FRMD4B: variants seen among roughly 807,000 people sequenced by gnomAD.
FRMD4B encodes FERM domain containing 4B.
In FRMD4B, 74 loss-of-function variants were observed where a neutral mutation model predicts 141.5. The ratio of observed to expected loss-of-function variants is 0.52; its 90% CI spans 0.43 to 0.63. The LOEUF is 0.63. FRMD4B is among the 30% of genes least tolerant of loss of function. FRMD4B has a pLI of 0.00. For missense variants in FRMD4B, 1,366 were observed against 1,253.4 expected, an observed-to-expected ratio of 1.09 and a Z score of -1.36; for synonymous variants, 506 against 467.9, an observed-to-expected ratio of 1.08 and a Z score of -1.05.
chr3:69,427,307 G>T (rs992937612), intron 2 of FRMD4B, among the ~76,000 whole-genome samples: 16 of 147,804 alleles, frequency 1.1e-4, no homozygotes, highest in African/African-American at 3.7e-4. Context: ...ATAATATATT[G>T]TTATATATTA....
chr3:69,467,210 C>T (rs1425552297), intron 1 of FRMD4B, among the ~76,000 whole-genome samples: 1 of 152,134 alleles, frequency 6.6e-6, no homozygotes, highest in Non-Finnish European at 1.5e-5. Flanking sequence ...TTTGACATGT[C>T]ACTTTGGTTC....
At chr3:69,284,673 AG>A (rs1484712873) in intron 5 of FRMD4B, among the ~76,000 whole-genome samples, 8 of 152,232 alleles carry the variant, frequency 5.3e-5, no homozygotes, top group African/African-American at 1.9e-4. Flanking sequence ...AAATATTGCC[AG>A]GCATGCAAAT....
At chr3:69,218,237 C>G in intron 10 of FRMD4B, 85 bp downstream of exon 10, 2 of 686,158 alleles carry the variant, frequency 2.9e-6, no homozygotes, top group Non-Finnish European at 5.1e-6. Context: ...AAGATATAAT[C>G]AGCCTTTTAT....
At chr3:69,197,701 G>T (rs1259064152) in intron 12 of FRMD4B, 1 of 152,250 alleles carries the variant, frequency 6.6e-6, no homozygotes, top group Admixed American at 6.5e-5. Flanking sequence ...GTGTGTGTGT[G>T]ACGTGGTACT....
At chr3:69,313,370 AACCAG>A in intron 2 of FRMD4B, 77 bp downstream of exon 2, 1 of 845,506 alleles carries the variant, frequency 1.2e-6, no homozygotes, top group Non-Finnish European at 2.0e-6. Flanking sequence ...TCAGAGAGGG[AACCAG>A]GATGAGCTGT....
At chr3:69,256,412 C>T (rs1368206303) in intron 5 of FRMD4B, among the ~76,000 whole-genome samples, 1 of 152,162 alleles carries the variant, frequency 6.6e-6, no homozygotes, top group East Asian at 1.9e-4. Flanking sequence ...CTCTGCTGCC[C>T]GGGTTCAAGT....
intron 18 of FRMD4B, among the ~76,000 whole-genome samples, chr3:69,188,308 T>C (rs527572893): frequency 6.6e-6 from 1 of 152,348 alleles, no homozygotes; most frequent in South Asian, 2.1e-4. Context: ...TTTTTAGGCC[T>C]CTTTGGCCAA....
At chr3:69,322,623 G>T (rs1375923792) in intron 1 of FRMD4B, among the ~76,000 whole-genome samples, 3 of 143,334 alleles carry the variant, frequency 2.1e-5, no homozygotes, top group African/African-American at 7.8e-5. Context: ...TTGAGACAGG[G>T]TCTTGCTCTG....
At chr3:69,287,040 T>C (rs1374191398) in intron 5 of FRMD4B, among the ~76,000 whole-genome samples, 2 of 152,198 alleles carry the variant, frequency 1.3e-5, no homozygotes, top group African/African-American at 4.8e-5. Context: ...ACTGACCTCG[T>C]GATCCACCTG....
intron 20 of FRMD4B, among the ~76,000 whole-genome samples, chr3:69,182,280 T>A (rs894349790): frequency 6.6e-6 from 1 of 152,146 alleles, no homozygotes; most frequent in South Asian, 2.1e-4. Flanking sequence ...CCAGTGAATA[T>A]AAAACATTTA....
At chr3:69,405,911 T>A (rs1236810716) in intron 2 of FRMD4B, among the ~76,000 whole-genome samples, 1 of 152,228 alleles carries the variant, frequency 6.6e-6, no homozygotes, top group Non-Finnish European at 1.5e-5. Flanking sequence ...TTTATTAATG[T>A]CATTTCAAAT....
intron 9 of FRMD4B, among the ~76,000 whole-genome samples, chr3:69,220,251 T>C (rs1352011963): frequency 6.6e-6 from 1 of 152,192 alleles, no homozygotes; most frequent in Admixed American, 6.5e-5. Context: ...GTACAGCATG[T>C]TACTGGGCTG....
chr3:69,433,011 T>G (rs142584608), intron 1 of FRMD4B: 80 of 152,346 alleles, frequency 5.3e-4, no homozygotes, highest in African/African-American at 1.9e-3. Context: ...ACAGGATGCA[T>G]GTCACTGAAT....
At chr3:69,478,138 A>G (rs1313658272) in intron 1 of FRMD4B, among the ~76,000 whole-genome samples, 1 of 151,930 alleles carries the variant, frequency 6.6e-6, no homozygotes, top group Non-Finnish European at 1.5e-5. Context: ...AATTCTGTTG[A>G]TCCTTTCAAA....
At chr3:69,539,514 G>A (rs1384923306) in intron 1 of FRMD4B, among the ~76,000 whole-genome samples, 2 of 152,150 alleles carry the variant, frequency 1.3e-5, no homozygotes, top group African/African-American at 2.4e-5. Context: ...TCAAAACAAA[G>A]TGAAGTTTAA....
At chr3:69,172,697 C>A (rs1374527602) in intron 22 of FRMD4B, among the ~76,000 whole-genome samples, 1 of 152,154 alleles carries the variant, frequency 6.6e-6, no homozygotes, top group Non-Finnish European at 1.5e-5. Flanking sequence ...ACCCAGGACA[C>A]AGCATCACAT....
chr3:69,416,824 A>T (rs1334899686), intron 2 of FRMD4B, among the ~76,000 whole-genome samples: 1 of 152,018 alleles, frequency 6.6e-6, no homozygotes, highest in Non-Finnish European at 1.5e-5. Flanking sequence ...TTCCTGTGTT[A>T]GTTTGCTGAG....
rs1231224123 is a variant in FRMD4B, at chr3:69,171,578, T to C, written c.*283A>G. 1 of 270,614 alleles carries C rather than the reference T, an allele frequency of 3.7e-6. No homozygotes were observed. The highest frequency in any genetic ancestry group is 8.1e-5 in the East Asian group (1 of 12,380). 16.8% of individuals were successfully genotyped at this position (270,614 alleles called of 1,614,324 possible). Reference sequence around the variant, plus strand: ...TACTCCCTTAAAAAGTGCTTGCTATTGATGAAGGCTTCACACTGAGTCCTC... The same window carrying C: ...TACTCCCTTAAAAAGTGCTTGCTATCGATGAAGGCTTCACACTGAGTCCTC... On this transcript the variant is annotated 3_prime_UTR_variant, in exon 23 of 23. Coordinates refer to ENST00000398540, the MANE Select transcript of FRMD4B (RefSeq NM_015123.3).
Position 69,169,986 on chromosome 3 carries a change from C to T in FRMD4B, c.*1875G>A, listed in dbSNP as rs1056585828. 3.9e-5 allele frequency: 6 copies of T among 152,078 alleles called. No homozygotes were observed. Among genetic ancestry groups the T allele is most frequent in the African/African-American group, 9.7e-5 (4 of 41,414 alleles). The allele number at this position is 152,078 out of a possible 1,614,324, so 9.4% of individuals were successfully genotyped here. ...AGTCATCCTCAGTGAGACAAACTACCGCATTTCATCAATTCTAAGGCAACT... is the reference window on the plus strand; with the variant it reads ...AGTCATCCTCAGTGAGACAAACTACTGCATTTCATCAATTCTAAGGCAACT... On this transcript the variant is annotated 3_prime_UTR_variant, in exon 23 of 23. Transcript: ENST00000398540.
Sources: gnomAD v4.1 joint callset for allele counts (sites outside exome capture counted in the v4.1 genomes callset) on GRCh38, gnomAD v4.1.1 for gene constraint, MANE v1.5 for transcripts, NCBI Gene and HGNC (gene_info 2026-07-23, HGNC 2026-07-21) for gene names.